The following CNGB1 variants were observed in gnomAD, a reference collection of about 807,000 sequenced individuals.
The protein encoded by CNGB1 is cyclic nucleotide gated channel subunit beta 1, also known as cyclic nucleotide-gated channel beta-1.
CNGB1 carries 126 observed loss-of-function variants against 151.7 expected under a neutral mutation model. The ratio of observed to expected loss-of-function variants is 0.83; its 90% CI spans 0.72 to 0.96. The LOEUF is 0.96. Among genes scored for constraint, CNGB1 ranks in the 40% least tolerant of loss-of-function variants. The pLI is 0.00. For missense variants in CNGB1, 1,698 were observed against 1,627.0 expected, an observed-to-expected ratio of 1.04 and a Z score of -0.75; for synonymous variants, 623 against 635.1, an observed-to-expected ratio of 0.98 and a Z score of 0.29.
chr16:57,941,493 C>A (rs553921731), intron 14 of CNGB1, among the ~76,000 whole-genome samples: 2 of 152,232 alleles, frequency 1.3e-5, no homozygotes, highest in East Asian at 1.9e-4. Flanking sequence ...ATTGCCACAG[C>A]GGCTCCTGGG....
At position 57,920,478 on chromosome 16, in the gene CNGB1, C is replaced by A. The variant is rs1085307820; in HGVS notation, c.1710G>T (p.Glu570Asp). ...TCCGCTCCTTGAAGAGCTTCACCAG[C>A]TCCTGGAGCCGGTCGTTGATGATGG... is the stretch of plus-strand genomic sequence containing the variant. ...NSAIINDRLQ[E>D]LVKLFKERTE... The change falls in exon 19 of 33, where the codon GAG becomes GAT. Residue 570 changes from glutamate (E) to aspartate (D), a missense_variant. Physicochemically the swap from Glu to Asp is conservative, Grantham distance 45. Coordinates refer to ENST00000251102, the MANE Select transcript of CNGB1 (RefSeq NM_001297.5). 2.2e-5 allele frequency: 35 copies of A among 1,614,198 alleles called. No homozygotes were observed. The highest frequency in any genetic ancestry group is 2.9e-5 in the Non-Finnish European group (34 of 1,180,052).
rs1376755798 is a variant in CNGB1, at chr16:57,904,725, C to T, written c.2634+9G>A. On this transcript the variant is annotated intron_variant, in intron 26 of 32. Coordinates refer to ENST00000251102, the MANE Select transcript of CNGB1 (RefSeq NM_001297.5). ...GGTGGGGTGGGAAGCTGGGCTGGTGCCCCGATACCTGTCCGATCATCACAG... is the reference window on the plus strand; with the variant it reads ...GGTGGGGTGGGAAGCTGGGCTGGTGTCCCGATACCTGTCCGATCATCACAG... The T allele has an allele frequency of 6.2e-6, 10 of 1,613,836 alleles. No individual in the cohort carries two copies. Among genetic ancestry groups the T allele is most frequent in the South Asian group, 1.1e-5 (1 of 91,078 alleles).
chr16:57,885,110 G>A (rs1456686492), intron 32 of CNGB1, among the ~76,000 whole-genome samples: 2 of 152,116 alleles, frequency 1.3e-5, no homozygotes, highest in African/African-American at 4.8e-5. Context: ...AGGGGACTGG[G>A]TAATTAAATC....
chr16:57,900,302 C>T (rs1297552019), intron 29 of CNGB1, among the ~76,000 whole-genome samples: 5 of 152,214 alleles, frequency 3.3e-5, no homozygotes, highest in East Asian at 1.9e-4. Context: ...CTCTTCACCC[C>T]GGCTCTCTGC....
At chr16:57,939,614 CAG>C in intron 15 of CNGB1, 22 bp from the exon 16 acceptor site, 2 of 1,614,188 alleles carry the variant, frequency 1.2e-6, no homozygotes, top group East Asian at 4.5e-5. Context: ...AAAGTGAAAA[CAG>C]AAACTGTGAC....
intron 11 of CNGB1, among the ~76,000 whole-genome samples, chr16:57,957,985 A>G (rs1269295448): frequency 2.0e-5 from 3 of 152,198 alleles, no homozygotes; most frequent in Admixed American, 6.5e-5. Context: ...AGAGCTCATG[A>G]GCGCTCCCCC....
chr16:57,889,573 G>C (rs78341869), intron 31 of CNGB1, among the ~76,000 whole-genome samples: 4,928 of 152,298 alleles, frequency 0.032, 251 homozygotes, highest in African/African-American at 0.11. Flanking sequence ...CTAACCCACA[G>C]AAACTGAGAT....
intron 16 of CNGB1, among the ~76,000 whole-genome samples, chr16:57,936,840 G>A (rs759955247): frequency 6.6e-6 from 1 of 151,830 alleles, no homozygotes; most frequent in East Asian, 1.9e-4. Context: ...GGAAGAGAAA[G>A]AGAGAGAAAA....
intron 31 of CNGB1, among the ~76,000 whole-genome samples, chr16:57,897,032 AGTGGCTCACAC>A (rs1960247833): frequency 6.6e-6 from 1 of 152,082 alleles, no homozygotes; most frequent in Non-Finnish European, 1.5e-5. Context: ...GGCCAGGCGC[AGTGGCTCACAC>A]CTGTAACCCC....
Position 57,929,476 on chromosome 16 carries a change from G to GGAGACA in CNGB1, c.1535+2239_1535+2240insTGTCTC, listed in dbSNP as rs1555490851. ...GAGGGAGAGAGGAAAAGAGAGAGAG[G>GGAGACA]GAGAGAGAGAGAGACTTTTTCTTTT... On this transcript the variant is annotated intron_variant, in intron 17 of 32. Coordinates refer to ENST00000251102, the MANE Select transcript of CNGB1 (RefSeq NM_001297.5). 2.1e-5 allele frequency among the ~76,000 whole-genome samples: 3 copies of GGAGACA among 145,748 alleles called. No homozygotes were observed. In the Admixed American group the frequency reaches 2.1e-4, roughly 10 times the overall value.
intron 31 of CNGB1, among the ~76,000 whole-genome samples, chr16:57,892,458 G>A (rs1047187599): frequency 6.6e-6 from 1 of 152,140 alleles, no homozygotes; most frequent in African/African-American, 2.4e-5. Context: ...TCCCTTGAGA[G>A]CAACCAGGTA....
chr16:57,923,116 C>T (rs1292604055), intron 18 of CNGB1, 157 bp downstream of exon 18: 6 of 543,298 alleles, frequency 1.1e-5, no homozygotes, highest in African/African-American at 9.6e-5. Flanking sequence ...CAGCCAGAAG[C>T]AGCCTGGGCA....
At chr16:57,922,443 T>TTTC (rs1228646485) in intron 18 of CNGB1, among the ~76,000 whole-genome samples, 3 of 151,418 alleles carry the variant, frequency 2.0e-5, no homozygotes, top group Non-Finnish European at 2.9e-5. Flanking sequence ...TTTTTTTTTT[T>TTTC]TTGAGATGAA....
At chr16:57,907,081 T>C (rs1390121750) in intron 25 of CNGB1, among the ~76,000 whole-genome samples, 1 of 152,240 alleles carries the variant, frequency 6.6e-6, no homozygotes, top group Non-Finnish European at 1.5e-5. Context: ...TGGGGTTCCC[T>C]GCAGGACGAC....
chr16:57,908,706 G>A (rs1364611523), intron 25 of CNGB1, among the ~76,000 whole-genome samples: 12 of 152,260 alleles, frequency 7.9e-5, no homozygotes, highest in East Asian at 1.9e-4. Context: ...CTCATCCCTC[G>A]TCCCTCAAGC....
intron 12 of CNGB1, among the ~76,000 whole-genome samples, chr16:57,952,467 G>A (rs1174143343): frequency 7.2e-6 from 1 of 138,512 alleles, no homozygotes; most frequent in Non-Finnish European, 1.6e-5. Flanking sequence ...GTCCTATTTA[G>A]TGCGTGGGTG....
intron 14 of CNGB1, among the ~76,000 whole-genome samples, 154 bp downstream of exon 14, chr16:57,949,199 C>T (rs1318950067): frequency 6.6e-6 from 1 of 152,050 alleles, no homozygotes; most frequent in Non-Finnish European, 1.5e-5. Flanking sequence ...AGGGGAACCC[C>T]AGCTTCTCGC....
intron 30 of CNGB1, 102 bp downstream of exon 30, chr16:57,897,694 A>G: frequency 6.6e-7 from 1 of 1,510,152 alleles, no homozygotes; most frequent in Non-Finnish European, 9.2e-7. Context: ...AGCAGGTGCC[A>G]GTGCTGCATC....
rs568168672 is a variant in CNGB1, at chr16:57,955,402, G to C, written c.874+1939C>G. 8 of 1,537,318 alleles carry C rather than the reference G, an allele frequency of 5.2e-6. No individual in the cohort carries two copies. In the African/African-American group the frequency reaches 9.6e-5, roughly 18 times the overall value. On this transcript the variant is annotated intron_variant, in intron 12 of 32. Coordinates refer to ENST00000251102, the MANE Select transcript of CNGB1 (RefSeq NM_001297.5). ...AAGGAGAAGACAGGGTGGGTGGCTGGGTGGACAGGCGGAGGGAATGAGTGA... is the reference window on the plus strand; with the variant it reads ...AAGGAGAAGACAGGGTGGGTGGCTGCGTGGACAGGCGGAGGGAATGAGTGA...
Sources: allele counts gnomAD v4.1 joint callset (sites outside exome capture counted in the v4.1 genomes callset), GRCh38; gene constraint gnomAD v4.1.1; transcripts MANE v1.5; gene names NCBI Gene and HGNC (gene_info 2026-07-23, HGNC 2026-07-21).